The following ACACB variants were observed in gnomAD, a reference collection of about 807,000 sequenced individuals.
ACACB encodes the protein acetyl-CoA carboxylase beta.
Under a neutral mutation model 278.8 loss-of-function variants are expected in ACACB, and 209 were observed. The observed-to-expected ratio is 0.75, with a 90% confidence interval of 0.67 to 0.84. The LOEUF (loss-of-function observed/expected upper bound fraction) is 0.84, where lower values mean the gene tolerates loss of function less well. Among genes scored for constraint, ACACB ranks in the 40% least tolerant of loss-of-function variants. The pLI is 0.00. For synonymous variants in ACACB, 1,174 were observed against 1,285.6 expected (o/e 0.91, Z 1.86); for missense variants, 2,850 against 3,269.0 (o/e 0.87, Z 3.13).
chr12:109,250,178 G>A (rs1315693316), intron 41 of ACACB, 74 bp downstream of exon 41: 4 of 1,442,320 alleles, frequency 2.8e-6, no homozygotes, highest in East Asian at 5.2e-5. Context: ...CAAAATTAGA[G>A]AGAATCAATA....
rs1671369721 is a variant in ACACB, at chr12:109,261,998, G to A, written c.6675-359G>A. 2.0e-5 allele frequency among the ~76,000 whole-genome samples: 3 copies of A among 152,006 alleles called. No homozygotes were observed. The South Asian group carries it at 6.2e-4, about 32-fold the overall frequency. On this transcript the variant is annotated intron_variant, in intron 48 of 52. Transcript: ENST00000338432. ...GAGATTTAAAGCGATCAGAAACAGT[G>A]CCCCTCCTCTAGGAGGGCAGAAATT...
intron 39 of ACACB, 42 bp downstream of exon 39, chr12:109,246,490 T>A (rs1172783812): frequency 6.3e-7 from 1 of 1,589,482 alleles, no homozygotes; most frequent in South Asian, 1.1e-5. Context: ...TCTGCTCAGC[T>A]ACTACTGTAT....
chr12:109,179,432 G>A, intron 10 of ACACB, 135 bp downstream of exon 10: 2 of 868,266 alleles, frequency 2.3e-6, no homozygotes, highest in South Asian at 3.1e-5. Context: ...CCATTCCAGA[G>A]GTGATTTCAG....
At position 109,161,992 on chromosome 12, in the gene ACACB, T is replaced by G. The variant is rs1327632547; in HGVS notation, c.654-4869T>G. Among the ~76,000 whole-genome samples the G allele has an allele frequency of 3.9e-5, 6 of 152,040 alleles. No homozygotes were observed. In the South Asian group the frequency reaches 8.3e-4, roughly 21 times the overall value. On this transcript the variant is annotated intron_variant, in intron 2 of 52. Coordinates refer to ENST00000338432, the MANE Select transcript of ACACB (RefSeq NM_001093.4). ...TAAATGAAGTTCTCTTTTTTTTTTT[T>G]TTTAGGTAGAGTTTCACTCTGTTGC... is the stretch of plus-strand genomic sequence containing the variant.
chr12:109,241,797 T>C (rs1251900646), intron 36 of ACACB: 1 of 167,328 alleles, frequency 6.0e-6, no homozygotes, highest in African/African-American at 2.4e-5. Context: ...GCCATTTAAA[T>C]TCCTATGTGT....
chr12:109,145,188 T>C (rs906103892), intron 2 of ACACB, among the ~76,000 whole-genome samples: 6 of 152,212 alleles, frequency 3.9e-5, no homozygotes, highest in African/African-American at 1.4e-4. Context: ...CTGGTCAGTT[T>C]CAAAGTTCAG....
intron 1 of ACACB, chr12:109,131,341 T>C (rs1261779533): frequency 6.5e-6 from 1 of 152,696 alleles, no homozygotes; most frequent in East Asian, 1.9e-4. Flanking sequence ...AAGGTGACAC[T>C]CTGCCAGCTG....
intron 3 of ACACB, chr12:109,167,243 A>G: frequency 2.1e-6 from 1 of 487,026 alleles, no homozygotes; most frequent in African/African-American, 2.0e-5. Flanking sequence ...AAAACACTCA[A>G]AAAGTGTTAA....
intron 47 of ACACB, among the ~76,000 whole-genome samples, chr12:109,259,816 C>G (rs1442899674): frequency 6.6e-6 from 1 of 152,156 alleles, no homozygotes; most frequent in Non-Finnish European, 1.5e-5. Flanking sequence ...AGCCACCAAG[C>G]ATGTTTTGGG....
At chr12:109,117,149 C>G (rs1397660317) in intron 1 of ACACB, among the ~76,000 whole-genome samples, 1 of 146,420 alleles carries the variant, frequency 6.8e-6, no homozygotes, top group Non-Finnish European at 1.5e-5. Context: ...CACTTGAGGT[C>G]AGGAGTTCGA....
intron 10 of ACACB, 23 bp downstream of exon 10, chr12:109,179,320 G>A (rs757309187): frequency 6.2e-7 from 1 of 1,605,956 alleles, no homozygotes; most frequent in South Asian, 1.1e-5. Flanking sequence ...GAGCCCAGGG[G>A]GCAGCTTCAG....
intron 21 of ACACB, among the ~76,000 whole-genome samples, chr12:109,212,051 T>G (rs996613178): frequency 6.6e-6 from 1 of 152,234 alleles, no homozygotes; most frequent in African/African-American, 2.4e-5. Flanking sequence ...CCCATTGATA[T>G]GTGCGGAATG....
intron 2 of ACACB, among the ~76,000 whole-genome samples, chr12:109,143,550 G>A (rs1382547607): frequency 1.3e-5 from 2 of 151,638 alleles, no homozygotes; most frequent in African/African-American, 4.8e-5. Context: ...CTGACATACA[G>A]TTAGTTATTT....
At chr12:109,118,450 G>A in intron 1 of ACACB, among the ~76,000 whole-genome samples, 1 of 134,168 alleles carries the variant, frequency 7.5e-6, no homozygotes, top group Non-Finnish European at 1.5e-5. Flanking sequence ...GTCTCGTCCT[G>A]TCACCCAGGC....
intron 36 of ACACB, among the ~76,000 whole-genome samples, chr12:109,241,496 T>C (rs1416745583): frequency 1.3e-5 from 2 of 152,232 alleles, no homozygotes; most frequent in African/African-American, 4.8e-5. Flanking sequence ...AATCTCCAAG[T>C]TTAATCCATT....
At chr12:109,249,739 G>T (rs1045992019) in intron 40 of ACACB, 11 of 314,360 alleles carry the variant, frequency 3.5e-5, no homozygotes, top group Non-Finnish European at 5.8e-5. Flanking sequence ...TAATCTGCCC[G>T]CCTCGTCCTC....
chr12:109,222,367 A>G (rs1453116181), intron 24 of ACACB, 140 bp from the exon 25 acceptor site: 2 of 696,716 alleles, frequency 2.9e-6, no homozygotes, highest in Admixed American at 2.4e-5. Context: ...GAGGGTTTGC[A>G]TAACAGGCTG....
chr12:109,175,658 T>G (rs1460571816), intron 7 of ACACB, among the ~76,000 whole-genome samples: 1 of 152,110 alleles, frequency 6.6e-6, no homozygotes, highest in African/African-American at 2.4e-5. Context: ...GTTCAAGCGA[T>G]TCCCCCCACC....
At chr12:109,170,577 A>G (rs771284654) in intron 4 of ACACB, among the ~76,000 whole-genome samples, 6 of 152,194 alleles carry the variant, frequency 3.9e-5, no homozygotes, top group Non-Finnish European at 7.3e-5. Context: ...GCATGATTCC[A>G]TGTAGAAGGG....
Sources: gnomAD v4.1 joint callset for allele counts (sites outside exome capture counted in the v4.1 genomes callset) on GRCh38, gnomAD v4.1.1 for gene constraint, MANE v1.5 for transcripts, NCBI Gene and HGNC (gene_info 2026-07-23, HGNC 2026-07-21) for gene names.